The following HTR1F variants were observed in gnomAD, a reference collection of about 807,000 sequenced individuals.
HTR1F encodes the protein 5-hydroxytryptamine (serotonin) receptor 1F, G protein-coupled.
HTR1F carries 17 observed loss-of-function variants against 24.0 expected under a neutral mutation model. The observed-to-expected ratio is 0.71, with a 90% CI of 0.48 to 1.06. HTR1F has a LOEUF of 1.06. Ranked by LOEUF, HTR1F falls within the 50% of genes least tolerant of loss-of-function variation. The pLI, the probability that HTR1F is intolerant of heterozygous loss-of-function variation, is 0.00. For synonymous variants in HTR1F, 186 were observed against 156.8 expected (o/e 1.19, Z -1.39); for missense variants, 391 against 427.8 (o/e 0.91, Z 0.76).
intron 2 of HTR1F, among the ~76,000 whole-genome samples, chr3:87,835,275 G>A (rs1315645211): frequency 6.7e-6 from 1 of 149,518 alleles, no homozygotes; most frequent in Non-Finnish European, 1.5e-5. Flanking sequence ...TTACCCCCAA[G>A]ACCCCCCCGC....
chr3:87,818,104 T>C (rs1374286202), intron 1 of HTR1F, among the ~76,000 whole-genome samples: 1 of 152,212 alleles, frequency 6.6e-6, no homozygotes. Context: ...TTGCATCTTG[T>C]TGAAGAAGCT....
intron 2 of HTR1F, among the ~76,000 whole-genome samples, chr3:87,835,290 C>A (rs1704660120): frequency 6.7e-6 from 1 of 148,446 alleles, no homozygotes; most frequent in South Asian, 2.1e-4. Flanking sequence ...CCCCGCAAAC[C>A]CAACCCCACC....
chr3:87,904,919 G>T (rs367598160), intron 2 of HTR1F, among the ~76,000 whole-genome samples: 1 of 152,060 alleles, frequency 6.6e-6, no homozygotes, highest in Non-Finnish European at 1.5e-5. Flanking sequence ...CCTGATCTGA[G>T]GGGTGGTTTA....
chr3:87,931,999 G>A (rs1234641797), intron 2 of HTR1F, among the ~76,000 whole-genome samples: 11 of 152,156 alleles, frequency 7.2e-5, no homozygotes, highest in African/African-American at 1.7e-4. Flanking sequence ...TAGGTTGCCT[G>A]TTCACTCTGA....
intron 2 of HTR1F, among the ~76,000 whole-genome samples, chr3:87,917,217 C>A (rs1466200998): frequency 6.6e-6 from 1 of 151,668 alleles, no homozygotes; most frequent in African/African-American, 2.4e-5. Flanking sequence ...CAAGGCAGTG[C>A]TAAAAGGAAA....
intron 2 of HTR1F, among the ~76,000 whole-genome samples, chr3:87,876,364 T>C (rs141198075): frequency 6.3e-4 from 96 of 152,300 alleles, no homozygotes; most frequent in African/African-American, 2.0e-3. Context: ...TAAATGTCCA[T>C]TGATGGACAA....
intron 2 of HTR1F, among the ~76,000 whole-genome samples, chr3:87,869,442 TA>T (rs879387982): frequency 0.064 from 8,055 of 125,058 alleles, 345 homozygotes; most frequent in East Asian, 0.15. Context: ...GATACATAGA[TA>T]GATAGATAGA....
At chr3:87,878,501 C>CA (rs1386386573) in intron 2 of HTR1F, among the ~76,000 whole-genome samples, 1 of 152,154 alleles carries the variant, frequency 6.6e-6, no homozygotes, top group Non-Finnish European at 1.5e-5. Context: ...TACTTTTGCT[C>CA]ATAGTTTTGT....
At chr3:87,898,856 T>C (rs899818563) in intron 2 of HTR1F, among the ~76,000 whole-genome samples, 4 of 152,158 alleles carry the variant, frequency 2.6e-5, no homozygotes, top group African/African-American at 4.8e-5. Flanking sequence ...TAAAAGTAAA[T>C]GTTTGGATAT....
At chr3:87,980,870 G>A (rs1002751887) in intron 2 of HTR1F, among the ~76,000 whole-genome samples, 5 of 152,212 alleles carry the variant, frequency 3.3e-5, no homozygotes, top group African/African-American at 1.2e-4. Flanking sequence ...GGTGCTGGGA[G>A]TGGGGAGAGA....
intron 2 of HTR1F, among the ~76,000 whole-genome samples, chr3:87,913,717 G>A (rs1266066381): frequency 6.6e-6 from 1 of 152,126 alleles, no homozygotes; most frequent in Non-Finnish European, 1.5e-5. Context: ...TAAAATAAAT[G>A]TGGTACAATA....
At chr3:87,973,237 G>A (rs1705324334) in intron 2 of HTR1F, among the ~76,000 whole-genome samples, 1 of 151,934 alleles carries the variant, frequency 6.6e-6, no homozygotes, top group South Asian at 2.1e-4. Context: ...CTTCATCTTC[G>A]GTCGCTCTCC....
intron 2 of HTR1F, among the ~76,000 whole-genome samples, chr3:87,867,371 C>G (rs1705452759): frequency 6.6e-6 from 1 of 151,796 alleles, no homozygotes; most frequent in Non-Finnish European, 1.5e-5. Flanking sequence ...CTCTCTCTCT[C>G]TCTCATATAT....
At chr3:87,879,497 C>G (rs1705742330) in intron 2 of HTR1F, among the ~76,000 whole-genome samples, 1 of 152,164 alleles carries the variant, frequency 6.6e-6, no homozygotes, top group Non-Finnish European at 1.5e-5. Flanking sequence ...AGCCAAGAAT[C>G]TGCCCTAGCA....
chr3:87,807,041 A>C (rs751886720), intron 1 of HTR1F, among the ~76,000 whole-genome samples: 10 of 151,942 alleles, frequency 6.6e-5, no homozygotes, highest in Non-Finnish European at 1.2e-4. Flanking sequence ...GCCTTGTAAT[A>C]TATTGAGTTT....
chr3:87,923,786 A>G (rs1319288086), intron 2 of HTR1F, among the ~76,000 whole-genome samples: 2 of 152,114 alleles, frequency 1.3e-5, no homozygotes, highest in African/African-American at 2.4e-5. Context: ...TTTATGTGAT[A>G]TATCACATTT....
Position 87,816,390 on chromosome 3 carries a change from T to C in HTR1F, c.-159-5618T>C, listed in dbSNP as rs551703613. On this transcript the variant is annotated intron_variant, in intron 1 of 2. Coordinates refer to ENST00000319595, the MANE Select transcript of HTR1F (RefSeq NM_001322209.2). ...TGTTTGTTTTTTGTTTTGGTAGTAC[T>C]TGGAGGTCAACCGGAAGTGGCAAAA... Among the ~76,000 whole-genome samples the C allele has an allele frequency of 3.9e-4, 60 of 152,230 alleles. No individual in the cohort carries two copies. In the South Asian group the frequency reaches 0.011, roughly 29 times the overall value.
At chr3:87,860,098 C>G (rs12491283) in intron 2 of HTR1F, among the ~76,000 whole-genome samples, 18,641 of 152,090 alleles carry the variant, frequency 0.12, 1,463 homozygotes, top group African/African-American at 0.22. Context: ...TTTCAAAATA[C>G]TCTGCATAGA....
At chr3:87,961,074 G>C (rs1213024727) in intron 2 of HTR1F, among the ~76,000 whole-genome samples, 1 of 151,816 alleles carries the variant, frequency 6.6e-6, no homozygotes, top group Non-Finnish European at 1.5e-5. Context: ...AGTATACTGG[G>C]GTTCCCCTAT....
Sources: allele counts gnomAD v4.1 joint callset (sites outside exome capture counted in the v4.1 genomes callset), GRCh38; gene constraint gnomAD v4.1.1; transcripts MANE v1.5; gene names NCBI Gene and HGNC (gene_info 2026-07-23, HGNC 2026-07-21).